The following KRT15 variants were observed in gnomAD, a reference collection of about 807,000 sequenced individuals.
KRT15 encodes the protein keratin, type I cytoskeletal 15.
In KRT15, 45 loss-of-function variants were observed where a neutral mutation model predicts 46.6. The ratio of observed to expected loss-of-function variants is 0.97; its 90% confidence interval spans 0.76 to 1.24. KRT15 has a LOEUF of 1.24. Among genes scored for constraint, KRT15 ranks in the 50% most tolerant of loss-of-function variants. KRT15 has a pLI of 0.00. For missense variants in KRT15, 592 were observed against 588.9 expected (o/e 1.01, Z -0.05); for synonymous variants, 221 against 233.8 (o/e 0.95, Z 0.50).
rs191043255 is a variant in KRT15, at chr17:41,517,075, G to T, written c.581+8C>A. On this transcript the variant is annotated splice_region_variant and intron_variant, in intron 2 of 7. Transcript: ENST00000254043. ...ATGCAGGAAGAGGAGAGAGACGGGG[G>T]AGCGCACTTGAGCCTGAAGTCGTCC... The T allele has an allele frequency of 2.4e-5, 39 of 1,614,172 alleles. No individual in the cohort carries two copies. Among genetic ancestry groups the T allele is most frequent in the Non-Finnish European group, 3.1e-5 (37 of 1,179,996 alleles).
Position 41,515,653 on chromosome 17 carries a change from G to C in KRT15, c.1066C>G (p.Arg356Gly). 1 of 1,614,138 alleles carries C rather than the reference G, an allele frequency of 6.2e-7. No homozygotes were observed. Among genetic ancestry groups the C allele is most frequent in the South Asian group, 1.1e-5 (1 of 91,082 alleles). The change falls in exon 6 of 8, where the codon CGC (arginine) becomes GGC (glycine). Residue 356 changes from arginine (R) to glycine (G), a missense_variant. By Grantham distance (125) the Arg-to-Gly change is moderately radical (BLOSUM62 -2). Coordinates refer to ENST00000254043, the MANE Select transcript of KRT15 (RefSeq NM_002275.4). ...LENSLAETEC[R>G]YATQLQQIQG... ...ATCTGCTGCAGCTGCGTGGCATAGC[G>C]GCACTCTGTCTCGGCCAGTGAGTTC...
chr17:41,516,576 C>T (rs1905380213), intron 3 of KRT15, among the ~76,000 whole-genome samples: 2 of 152,198 alleles, frequency 1.3e-5, no homozygotes, highest in African/African-American at 4.8e-5. Flanking sequence ...GCCCCTTCCT[C>T]TCCATGAGGA....
chr17:41,515,549 C>T lies in KRT15; in HGVS notation c.1170G>A (p.Lys390=). The change falls in exon 6 of 8, where the codon AAG becomes AAA. Residue 390 remains lysine, a synonymous_variant. Transcript: ENST00000254043. ...GCCGTGTCTTTATGTCAAGCAGCAT[C>T]TTGTACTCCTGGTTCTGAGCCTCCA... ...CEMEAQNQEY[K]MLLDIKTRLE... 6.2e-7 allele frequency: 1 copy of T among 1,614,168 alleles called. No individual in the cohort carries two copies. Among genetic ancestry groups the T allele is most frequent in the South Asian group, 1.1e-5 (1 of 91,084 alleles).
chr17:41,518,229 G>T, intron 1 of KRT15, 101 bp downstream of exon 1: 1 of 1,354,556 alleles, frequency 7.4e-7, no homozygotes, highest in Non-Finnish European at 1.0e-6. Flanking sequence ...TCATTGCCTG[G>T]GCAGGAAAGG....
At chr17:41,517,000 G>A in intron 2 of KRT15, 36 bp from the exon 3 acceptor site, 1 of 1,614,210 alleles carries the variant, frequency 6.2e-7, no homozygotes, top group Non-Finnish European at 8.5e-7. Flanking sequence ...AAGTGGGAGG[G>A]GTCTTGGCTG....
rs183170526 is a variant in KRT15, at chr17:41,513,879, G to C, written c.*144C>G. ...AGAGGGGGAATAGAGCGCATGCAAA[G>C]CCCTGAAATAAAAGACCGAGGGACC... is the stretch of plus-strand genomic sequence containing the variant. On this transcript the variant is annotated 3_prime_UTR_variant, in exon 8 of 8. Coordinates refer to ENST00000254043, the MANE Select transcript of KRT15 (RefSeq NM_002275.4). The C allele has an allele frequency of 3.8e-4, 262 of 697,852 alleles. No individual in the cohort carries two copies. In the African/African-American group the frequency reaches 4.3e-3, roughly 11 times the overall value. The allele number at this position is 697,852 out of a possible 1,614,324, so 43.2% of individuals were successfully genotyped here.
Position 41,518,849 on chromosome 17 carries a change from G to C in KRT15, c.-22C>G, listed in dbSNP as rs1905544492. 1.3e-6 allele frequency: 2 copies of C among 1,528,882 alleles called. No individual in the cohort carries two copies. The highest frequency in any genetic ancestry group is 1.7e-6 in the Non-Finnish European group (2 of 1,143,376). 94.7% of individuals were successfully genotyped at this position (1,528,882 alleles called of 1,614,324 possible). Reference sequence around the variant, plus strand: ...TCATGGCCAGGTAGCTGGAGCCCGTGAGTTCTCAGCAAACCCAAGAGATGC... The same window carrying C: ...TCATGGCCAGGTAGCTGGAGCCCGTCAGTTCTCAGCAAACCCAAGAGATGC... On this transcript the variant is annotated 5_prime_UTR_variant, in exon 1 of 8. Coordinates refer to ENST00000254043, the MANE Select transcript of KRT15 (RefSeq NM_002275.4).
At chr17:41,517,521 C>G (rs1358696513) in intron 1 of KRT15, 1 of 316,964 alleles carries the variant, frequency 3.2e-6, no homozygotes, top group South Asian at 3.4e-5. Flanking sequence ...GACACTCCAC[C>G]AGCCCCACTG....
chr17:41,516,268 G>T lies in KRT15; in HGVS notation c.739-3C>A. On this transcript the variant is annotated splice_region_variant and splice_polypyrimidine_tract_variant and intron_variant, in intron 3 of 7. Transcript: ENST00000254043. ...TGGCTGCTGAACTCCTTCATCTCCT[G>T]CAGGATGGGAGGGACCCACTTAGAG... The T allele has an allele frequency of 6.2e-7, 1 of 1,612,078 alleles. No homozygotes were observed. Among genetic ancestry groups the T allele is most frequent in the Non-Finnish European group, 8.5e-7 (1 of 1,179,102 alleles).
intron 1 of KRT15, among the ~76,000 whole-genome samples, chr17:41,518,015 C>A (rs1905472988): frequency 6.6e-6 from 1 of 152,094 alleles, no homozygotes; most frequent in African/African-American, 2.4e-5. Flanking sequence ...TCACCTTGGC[C>A]CCCCAAAGCA....
At chr17:41,514,844 C>T (rs1018104759) in intron 6 of KRT15, 170 bp from the exon 7 acceptor site, 1 of 592,864 alleles carries the variant, frequency 1.7e-6, no homozygotes, top group Non-Finnish European at 3.0e-6. Flanking sequence ...GGCCTGCTAT[C>T]CCCAAGTAGA....
rs140276645 is a variant in KRT15, at chr17:41,515,579, G to A, written c.1140C>T (p.Cys380=). ...ACTCCTGGTTCTGAGCCTCCATCTC[G>A]CATCGGAGCTCACTCAGCTGGGCCT... The part of the protein sequence containing the change: ...GLEAQLSELR[C]EMEAQNQEYK... The change falls in exon 6 of 8, where the codon TGC becomes TGT. Residue 380 remains cysteine, a synonymous_variant. Coordinates refer to ENST00000254043, the MANE Select transcript of KRT15 (RefSeq NM_002275.4). The A allele has an allele frequency of 6.4e-4, 1,037 of 1,614,090 alleles. 2 individuals are homozygous for A. Among genetic ancestry groups the A allele is most frequent in the South Asian group, 1.3e-3 (116 of 91,076 alleles).
In KRT15 at chr17:41,518,607, C is replaced by T; in HGVS notation, c.221G>A (p.Gly74Asp). 2 of 1,613,616 alleles carry T rather than the reference C, an allele frequency of 1.2e-6. No homozygotes were observed. The highest frequency in any genetic ancestry group is 1.7e-6 in the Non-Finnish European group (2 of 1,179,882). The change falls in exon 1 of 8, where the codon GGT becomes GAT. Residue 74 changes from glycine to aspartate, a missense_variant. Physicochemically the swap from Gly to Asp is moderately conservative, Grantham distance 94. Transcript: ENST00000254043. ...TCCAAAGCCTCCACCGAAAACACTA[C>T]CAGCCCCTCCACCAAAGCCACAGAC... ...MRVCGFGGGA[G>D]SVFGGGFGGG...
intron 3 of KRT15, 140 bp from the exon 4 acceptor site, chr17:41,516,405 C>T (rs1297595090): frequency 6.6e-6 from 6 of 915,112 alleles, no homozygotes; most frequent in Non-Finnish European, 1.0e-5. Context: ...GGTTTGGTCA[C>T]ATGGACCCCT....
At chr17:41,514,841 T>A in intron 6 of KRT15, 167 bp from the exon 7 acceptor site, 1 of 595,596 alleles carries the variant, frequency 1.7e-6, no homozygotes, top group Non-Finnish European at 3.0e-6. Flanking sequence ...CCAGGCCTGC[T>A]ATCCCCAAGT....
chr17:41,517,006 G>C, intron 2 of KRT15, 42 bp from the exon 3 acceptor site: 1 of 1,614,160 alleles, frequency 6.2e-7, no homozygotes, highest in Non-Finnish European at 8.5e-7. Context: ...GAGGGGTCTT[G>C]GCTGCCTGAG....
In KRT15 at chr17:41,518,691, G is replaced by A. The variant is rs1161040378; in HGVS notation, c.137C>T (p.Ala46Val). The A allele has an allele frequency of 6.2e-7, 1 of 1,612,594 alleles. No individual in the cohort carries two copies. Among genetic ancestry groups the A allele is most frequent in the Non-Finnish European group, 8.5e-7 (1 of 1,179,260 alleles). Residue 46 changes from alanine (A) to valine (V), a missense_variant, in exon 1 of 8, where the codon GCT becomes GTT. Physicochemically the swap from Ala to Val is moderately conservative, Grantham distance 64 (BLOSUM62 0). Coordinates refer to ENST00000254043, the MANE Select transcript of KRT15 (RefSeq NM_002275.4). Reference protein sequence around the residue: ...SGGGGSRSISASSARFVSSGS... With the variant: ...SGGGGSRSISVSSARFVSSGS... ...TGAAGAGACAAACCTAGCAGAAGAA[G>A]CTGAGATACTTCGGCTTCCACCTCC...
At position 41,516,915 on chromosome 17, in the gene KRT15, C is replaced by G; in HGVS notation, c.631G>C (p.Gly211Arg). The change falls in exon 3 of 8, where the codon GGC becomes CGC. Residue 211 changes from glycine to arginine, a missense_variant. Physicochemically the swap from Gly to Arg is moderately radical, Grantham distance 125 (BLOSUM62 -2). Coordinates refer to ENST00000254043, the MANE Select transcript of KRT15 (RefSeq NM_002275.4). ...LRQGVEADIN[G>R]LRRVLDELTL... Reference sequence around the variant, plus strand: ...AGCTCATCCAGGACTCGGCGCAAGCCGTTGATGTCAGCCTCAACGCCCTGG... The same window carrying G: ...AGCTCATCCAGGACTCGGCGCAAGCGGTTGATGTCAGCCTCAACGCCCTGG... The G allele has an allele frequency of 1.9e-6, 3 of 1,614,218 alleles. No homozygotes were observed. The highest frequency in any genetic ancestry group is 2.2e-5 in the South Asian group (2 of 91,092).
chr17:41,514,402 G>A, intron 7 of KRT15: 1 of 597,166 alleles, frequency 1.7e-6, no homozygotes, highest in Non-Finnish European at 3.0e-6. Context: ...GTATGAAGAT[G>A]GGGCCTGGGG....
Sources: allele counts gnomAD v4.1 joint callset (sites outside exome capture counted in the v4.1 genomes callset), GRCh38; gene constraint gnomAD v4.1.1; transcripts MANE v1.5; gene names NCBI Gene and HGNC (gene_info 2026-07-23, HGNC 2026-07-21).